Variants in CTNNA3 observed in about 807,000 individuals in gnomAD.
The protein encoded by CTNNA3 is catenin alpha 3.
Under a neutral mutation model 95.7 loss-of-function variants are expected in CTNNA3, and 76 were observed. The observed-to-expected ratio is 0.79, with a 90% CI of 0.66 to 0.96. CTNNA3 has a LOEUF of 0.96. CTNNA3 is among the 40% of genes least tolerant of loss of function. The probability of loss-of-function intolerance (pLI) is 0.00; values close to 1 mark genes in which losing one functional copy is unlikely to be tolerated. For missense variants in CTNNA3, 1,191 were observed against 1,089.8 expected, an observed-to-expected ratio of 1.09 and a Z score of -1.31; for synonymous variants, 431 against 374.4, an observed-to-expected ratio of 1.15 and a Z score of -1.74.
intron 3 of CTNNA3, among the ~76,000 whole-genome samples, chr10:67,593,325 A>T (rs1842840600): frequency 6.6e-6 from 1 of 151,916 alleles, no homozygotes; most frequent in South Asian, 2.1e-4. Flanking sequence ...TTTCTTTTGG[A>T]TATATATGTA....
At chr10:66,638,351 C>T (rs1457910571) in intron 9 of CTNNA3, among the ~76,000 whole-genome samples, 2 of 152,120 alleles carry the variant, frequency 1.3e-5, no homozygotes, top group African/African-American at 4.8e-5. Context: ...TTCTATTTAG[C>T]CTATTAATTT....
At chr10:66,193,613 T>C (rs1464552992) in intron 13 of CTNNA3, among the ~76,000 whole-genome samples, 2 of 152,228 alleles carry the variant, frequency 1.3e-5, no homozygotes, top group African/African-American at 4.8e-5. Flanking sequence ...ATATCATTTT[T>C]AGACAATATA....
chr10:67,114,345 C>T (rs1352213117), intron 7 of CTNNA3, among the ~76,000 whole-genome samples: 1 of 151,818 alleles, frequency 6.6e-6, no homozygotes, highest in African/African-American at 2.4e-5. Context: ...CAATTCTGTT[C>T]AAAGAGTAAA....
chr10:66,340,678 A>C (rs1483411357), intron 12 of CTNNA3, among the ~76,000 whole-genome samples: 1 of 151,634 alleles, frequency 6.6e-6, no homozygotes, highest in Non-Finnish European at 1.5e-5. Context: ...TAGTGTCTTA[A>C]ATAATATCTC....
intron 10 of CTNNA3, among the ~76,000 whole-genome samples, chr10:66,580,037 G>C (rs1427676303): frequency 6.6e-6 from 1 of 151,612 alleles, no homozygotes; most frequent in Non-Finnish European, 1.5e-5. Flanking sequence ...TTTCTTTAAA[G>C]TCTATTTTGT....
At chr10:66,241,316 T>C (rs1374992897) in intron 13 of CTNNA3, among the ~76,000 whole-genome samples, 42 of 152,230 alleles carry the variant, frequency 2.8e-4, no homozygotes, top group Non-Finnish European at 5.3e-4. Context: ...TATGTTTCTA[T>C]ATTTTTTCTA....
chr10:66,221,336 G>C lies in CTNNA3; in HGVS notation c.1884+59134C>G, dbSNP rs539995562. 9.1e-4 allele frequency among the ~76,000 whole-genome samples: 138 copies of C among 152,266 alleles called. 1 individual carries two copies. Among genetic ancestry groups the C allele is most frequent in the Middle Eastern group, 3.4e-3 (1 of 294 alleles). On this transcript the variant is annotated intron_variant, in intron 13 of 17. Coordinates refer to ENST00000433211, the MANE Select transcript of CTNNA3 (RefSeq NM_013266.4). ...TGTTTCTAAGCTAGCTGGTATTTGT[G>C]ACCTGTATCATAAACAAGCATTCTG...
At chr10:67,241,316 G>A (rs907889155) in intron 5 of CTNNA3, among the ~76,000 whole-genome samples, 3 of 151,946 alleles carry the variant, frequency 2.0e-5, no homozygotes, top group South Asian at 2.1e-4. Context: ...CCAGCTACTC[G>A]GGAGGCTGAG....
At chr10:66,536,903 G>T (rs1189916059) in intron 10 of CTNNA3, among the ~76,000 whole-genome samples, 1 of 151,954 alleles carries the variant, frequency 6.6e-6, no homozygotes, top group Non-Finnish European at 1.5e-5. Context: ...TGGGTATATA[G>T]GAAGGAATTT....
chr10:66,506,861 A>T (rs953629649), intron 11 of CTNNA3, among the ~76,000 whole-genome samples: 1 of 152,154 alleles, frequency 6.6e-6, no homozygotes, highest in Admixed American at 6.5e-5. Flanking sequence ...AATAATGTAT[A>T]AGTGCAATGT....
intron 10 of CTNNA3, among the ~76,000 whole-genome samples, chr10:66,557,210 T>C (rs1400732930): frequency 3.3e-5 from 5 of 152,074 alleles, no homozygotes; most frequent in Non-Finnish European, 7.4e-5. Context: ...AAAAGGCACA[T>C]ATGCTACAAA....
chr10:66,736,978 C>T lies in CTNNA3; in HGVS notation c.1281+29286G>A, dbSNP rs190758478. Among the ~76,000 whole-genome samples the T allele has an allele frequency of 2.2e-4, 33 of 152,158 alleles. No individual in the cohort carries two copies. The East Asian group carries it at 5.6e-3, about 26-fold the overall frequency. The stretch of plus-strand genomic sequence containing the variant: ...TTAATTTGGGATATAAATCTATGTG[C>T]CTTGATTATGATGACTGGTAAGATT... On this transcript the variant is annotated intron_variant, in intron 9 of 17. Transcript: ENST00000433211.
chr10:66,512,807 A>G (rs1840708172), intron 11 of CTNNA3, among the ~76,000 whole-genome samples: 2 of 151,836 alleles, frequency 1.3e-5, no homozygotes, highest in South Asian at 4.1e-4. Flanking sequence ...TCTTTTTTTT[A>G]TTCCAGCAAT....
intron 5 of CTNNA3, among the ~76,000 whole-genome samples, chr10:67,375,803 T>G (rs992290925): frequency 6.6e-6 from 1 of 152,158 alleles, no homozygotes; most frequent in Non-Finnish European, 1.5e-5. Flanking sequence ...GGTAGTTTAA[T>G]TTTCTGAAAA....
rs1268581165 is a variant in CTNNA3 at position 67,476,082 on chromosome 10, A to G, written c.579+45760T>C. ...TCCATATTTAACTGAATACCCAGAA[A>G]TGATGTCACATTTGCTACACAAAGT... On this transcript the variant is annotated intron_variant, in intron 5 of 17. Coordinates refer to ENST00000433211, the MANE Select transcript of CTNNA3 (RefSeq NM_013266.4). 3.3e-5 allele frequency among the ~76,000 whole-genome samples: 5 copies of G among 152,234 alleles called. No individual in the cohort carries two copies. The East Asian group carries it at 9.6e-4, about 29-fold the overall frequency.
chr10:65,930,491 A>G (rs1355297926), intron 17 of CTNNA3, among the ~76,000 whole-genome samples: 2 of 152,190 alleles, frequency 1.3e-5, no homozygotes, highest in African/African-American at 4.8e-5. Context: ...TAGTCAAAAC[A>G]TCTTGACTAG....
In CTNNA3 at chr10:67,306,441, T is replaced by C. The variant is rs375947863; in HGVS notation, c.580-86571A>G. ...TAGGTGATTGAAGAAGAGCTCTTTA[T>C]TAATCAAAGAAAACTCTCAGGTACA... is the stretch of plus-strand genomic sequence containing the variant. On this transcript the variant is annotated intron_variant, in intron 5 of 17. Coordinates refer to ENST00000433211, the MANE Select transcript of CTNNA3 (RefSeq NM_013266.4). 5.3e-3 allele frequency among the ~76,000 whole-genome samples: 809 copies of C among 152,288 alleles called. 6 individuals carry two copies. The highest frequency in any genetic ancestry group is 0.02 in the Middle Eastern group (6 of 294).
At chr10:66,513,948 T>G (rs10430465) in intron 11 of CTNNA3, among the ~76,000 whole-genome samples, 38,971 of 151,916 alleles carry the variant, frequency 0.26, 5,503 homozygotes, top group African/African-American at 0.37. Flanking sequence ...CCTTCTGGGA[T>G]GGTGTCGGGG....
At chr10:67,297,528 T>A (rs1840095303) in intron 5 of CTNNA3, among the ~76,000 whole-genome samples, 1 of 152,214 alleles carries the variant, frequency 6.6e-6, no homozygotes, top group Non-Finnish European at 1.5e-5. Flanking sequence ...TACTATGCAA[T>A]CCATCCATAA....
Sources: gnomAD v4.1 joint callset for allele counts (sites outside exome capture counted in the v4.1 genomes callset) on GRCh38, gnomAD v4.1.1 for gene constraint, MANE v1.5 for transcripts, NCBI Gene and HGNC (gene_info 2026-07-23, HGNC 2026-07-21) for gene names.